The following SLC16A2 variants were observed in gnomAD, a reference collection of about 807,000 sequenced individuals.
SLC16A2 encodes solute carrier family 16 member 2.
SLC16A2 carries 3 observed loss-of-function variants against 27.2 expected under a neutral mutation model. That is an observed-to-expected ratio of 0.11 (90% CI 0.05 to 0.28). The LOEUF (loss-of-function observed/expected upper bound fraction) is 0.28. Ranked by LOEUF, SLC16A2 falls within the 10% of genes least tolerant of loss-of-function variation. SLC16A2 has a pLI of 1.00. For synonymous variants in SLC16A2, 202 were observed against 187.8 expected, an observed-to-expected ratio of 1.08 and a Z score of -0.62; for missense variants, 295 against 458.5, an observed-to-expected ratio of 0.64 and a Z score of 3.26.
chrX:74,423,970 A>C (rs1272232694), intron 1 of SLC16A2, among the ~76,000 whole-genome samples: 1 of 109,578 alleles, frequency 9.1e-6, no homozygotes, highest in Non-Finnish European at 1.9e-5. Flanking sequence ...ACTTGGAAAA[A>C]CCACTATTTT....
intron 1 of SLC16A2, among the ~76,000 whole-genome samples, chrX:74,433,226 G>T (rs755201608): frequency 1.2e-3 from 138 of 110,575 alleles, no homozygotes; most frequent in African/African-American, 4.4e-3. Context: ...ATAAAAATTA[G>T]CTGGGCGCAG....
chrX:74,486,218 C>A (rs191430992), intron 1 of SLC16A2, among the ~76,000 whole-genome samples: 3 of 111,892 alleles, frequency 2.7e-5, no homozygotes, highest in African/African-American at 9.8e-5. Context: ...AAGGTGGGTG[C>A]GGTCACCTTC....
chrX:74,513,456 C>A (rs1401946726), intron 1 of SLC16A2, among the ~76,000 whole-genome samples: 1 of 111,949 alleles, frequency 8.9e-6, no homozygotes, highest in Non-Finnish European at 1.9e-5. Context: ...TTTGCATTTT[C>A]CAAAATGGGA....
chrX:74,523,790 T>C (rs1043606359), intron 2 of SLC16A2, among the ~76,000 whole-genome samples: 3 of 112,161 alleles, frequency 2.7e-5, no homozygotes, highest in African/African-American at 9.7e-5. Flanking sequence ...ATGTGGACCT[T>C]GGGCAGGGTT....
chrX:74,454,056 G>T (rs895887056), intron 1 of SLC16A2, among the ~76,000 whole-genome samples: 1 of 110,801 alleles, frequency 9.0e-6, no homozygotes, highest in African/African-American at 3.3e-5. Flanking sequence ...CTACCATGAT[G>T]CCCCTATTCT....
At chrX:74,500,683 C>G (rs1254792626) in intron 1 of SLC16A2, among the ~76,000 whole-genome samples, 1 of 111,608 alleles carries the variant, frequency 9.0e-6, no homozygotes, top group Non-Finnish European at 1.9e-5. Context: ...TTTGATGAAT[C>G]TCTCAGAGGC....
chrX:74,432,981 C>T (rs1928559106), intron 1 of SLC16A2, among the ~76,000 whole-genome samples: 1 of 112,020 alleles, frequency 8.9e-6, no homozygotes, highest in Admixed American at 9.5e-5. Context: ...CTGGTGTGTC[C>T]CTTCAGAGAT....
intron 1 of SLC16A2, chrX:74,473,243 C>T (rs1324233488): frequency 9.1e-6 from 7 of 768,666 alleles, no homozygotes; most frequent in African/African-American, 2.1e-5. Flanking sequence ...CCATTATAGC[C>T]ATCCCCACCG....
chrX:74,446,585 A>G (rs914080492), intron 1 of SLC16A2, among the ~76,000 whole-genome samples: 7 of 111,094 alleles, frequency 6.3e-5, no homozygotes, highest in Non-Finnish European at 9.4e-5. Context: ...ATACCACTGC[A>G]CTCTAGCCTG....
At chrX:74,431,384 A>G (rs1010556225) in intron 1 of SLC16A2, among the ~76,000 whole-genome samples, 6 of 112,057 alleles carry the variant, frequency 5.4e-5, no homozygotes, top group Non-Finnish European at 9.4e-5. Flanking sequence ...AAAACCAAAT[A>G]CCACATGTTC....
intron 1 of SLC16A2, among the ~76,000 whole-genome samples, chrX:74,503,015 G>C (rs1026435078): frequency 1.8e-5 from 2 of 109,742 alleles, no homozygotes; most frequent in South Asian, 8.1e-4. Context: ...CAGGTTCTTA[G>C]TGTTGATTTC....
chrX:74,480,919 G>A (rs934343575), intron 1 of SLC16A2, among the ~76,000 whole-genome samples: 2 of 111,933 alleles, frequency 1.8e-5, no homozygotes, highest in African/African-American at 6.5e-5. Flanking sequence ...CTAGTTTGTT[G>A]AATGTTTTTA....
At chrX:74,525,688 G>T in intron 3 of SLC16A2, 62 bp from the exon 4 acceptor site, 5 of 1,184,005 alleles carry the variant, frequency 4.2e-6, no homozygotes, top group Non-Finnish European at 4.6e-6. Context: ...TATGCCTACA[G>T]TTAACCAGTC....
At chrX:74,531,271 T>G in intron 5 of SLC16A2, 62 bp from the exon 6 acceptor site, 5 of 1,007,156 alleles carry the variant, frequency 5.0e-6, no homozygotes, top group Non-Finnish European at 7.0e-6. Flanking sequence ...TAGAACGGGC[T>G]GAGAGTACCT....
chrX:74,496,836 C>T (rs760109846), intron 1 of SLC16A2, among the ~76,000 whole-genome samples: 6 of 112,055 alleles, frequency 5.4e-5, no homozygotes, highest in South Asian at 3.7e-4. Flanking sequence ...GGAGTCGGGT[C>T]GCTCAGTGGC....
At chrX:74,463,797 G>A (rs1929199068) in intron 1 of SLC16A2, among the ~76,000 whole-genome samples, 1 of 112,411 alleles carries the variant, frequency 8.9e-6, no homozygotes, top group Non-Finnish European at 1.9e-5. Context: ...AGAGTGCTGG[G>A]ATTACAGGCG....
At chrX:74,515,122 A>G (rs1247587427) in intron 1 of SLC16A2, among the ~76,000 whole-genome samples, 1 of 112,639 alleles carries the variant, frequency 8.9e-6, no homozygotes, top group African/African-American at 3.2e-5. Flanking sequence ...AGCAGCCAAC[A>G]AAAAATGCTT....
chrX:74,487,593 A>G (rs1275993703), intron 1 of SLC16A2, among the ~76,000 whole-genome samples: 2 of 112,323 alleles, frequency 1.8e-5, no homozygotes, highest in Non-Finnish European at 3.8e-5. Context: ...TGCAGCATTT[A>G]AAATTAAGGA....
At position 74,513,741 on chromosome X, in the gene SLC16A2, C is replaced by T. The variant is rs573721622; in HGVS notation, c.431-7249C>T. ...TCTCTCCCTTTATAGAAAATTTTCT[C>T]TCACTTGGAGTTTCTGACTTCTCTG... is the stretch of plus-strand genomic sequence containing the variant. On this transcript the variant is annotated intron_variant, in intron 1 of 5. Coordinates refer to ENST00000587091, the MANE Select transcript of SLC16A2 (RefSeq NM_006517.5). Among the ~76,000 whole-genome samples the T allele has an allele frequency of 3.6e-5, 4 of 111,702 alleles. No individual in the cohort carries two copies. The South Asian group carries it at 1.5e-3, about 42-fold the overall frequency.
Sources: gnomAD v4.1 joint callset for allele counts (sites outside exome capture counted in the v4.1 genomes callset) on GRCh38, gnomAD v4.1.1 for gene constraint, MANE v1.5 for transcripts, NCBI Gene and HGNC (gene_info 2026-07-23, HGNC 2026-07-21) for gene names.